Variants in CAMK2D observed in about 807,000 individuals in gnomAD.
The protein encoded by CAMK2D is calcium/calmodulin-dependent protein kinase type II subunit delta.
A neutral mutation model predicts 84.0 loss-of-function variants in CAMK2D; 37 were observed. The observed-to-expected ratio is 0.44, with a 90% confidence interval of 0.34 to 0.58. The LOEUF is 0.58. CAMK2D is among the 20% of genes least tolerant of loss of function. The pLI, the probability that CAMK2D is intolerant of heterozygous loss-of-function variation, is 0.02. For synonymous variants in CAMK2D, 202 were observed against 212.5 expected, an observed-to-expected ratio of 0.95 and a Z score of 0.43; for missense variants, 448 against 652.5, an observed-to-expected ratio of 0.69 and a Z score of 3.41.
intron 2 of CAMK2D, among the ~76,000 whole-genome samples, chr4:113,691,444 T>C (rs1242412708): frequency 6.6e-6 from 1 of 152,128 alleles, no homozygotes; most frequent in Non-Finnish European, 1.5e-5. Flanking sequence ...TCTACTGATA[T>C]ATCTAAATCT....
intron 5 of CAMK2D, among the ~76,000 whole-genome samples, chr4:113,551,067 G>A (rs372405280): frequency 3.3e-5 from 5 of 152,244 alleles, no homozygotes; most frequent in African/African-American, 1.2e-4. Context: ...GAGAATGGGA[G>A]CAGAGTCAAT....
intron 2 of CAMK2D, among the ~76,000 whole-genome samples, chr4:113,745,750 A>G (rs533078343): frequency 6.6e-6 from 1 of 152,350 alleles, no homozygotes; most frequent in East Asian, 1.9e-4. Context: ...TTAAAGATAG[A>G]ACATTTTTAT....
At chr4:113,740,833 T>C (rs898442923) in intron 2 of CAMK2D, among the ~76,000 whole-genome samples, 6 of 152,150 alleles carry the variant, frequency 3.9e-5, no homozygotes, top group African/African-American at 4.8e-5. Context: ...CTAACTATAG[T>C]AGTCTCCTCT....
intron 12 of CAMK2D, among the ~76,000 whole-genome samples, chr4:113,510,823 CT>C (rs1372534231): frequency 1.3e-5 from 2 of 151,822 alleles, no homozygotes; most frequent in African/African-American, 4.8e-5. Context: ...TTTAAATTTA[CT>C]TAAAAGATAC....
At chr4:113,745,076 C>T (rs2099601280) in intron 2 of CAMK2D, among the ~76,000 whole-genome samples, 1 of 152,124 alleles carries the variant, frequency 6.6e-6, no homozygotes, top group Non-Finnish European at 1.5e-5. Context: ...TCTCATAATC[C>T]AGGCCAATCC....
At chr4:113,737,395 C>G (rs961843572) in intron 2 of CAMK2D, among the ~76,000 whole-genome samples, 2 of 152,038 alleles carry the variant, frequency 1.3e-5, no homozygotes, top group Non-Finnish European at 2.9e-5. Flanking sequence ...CAGAAAAAGA[C>G]AAGTAGTGTA....
In CAMK2D at chr4:113,621,497, T is replaced by C. The variant is rs192176666; in HGVS notation, c.221-12291A>G. 1.0e-3 allele frequency among the ~76,000 whole-genome samples: 159 copies of C among 152,316 alleles called. 2 individuals carry two copies. Among genetic ancestry groups the C allele is most frequent in the African/African-American group, 3.4e-3 (143 of 41,578 alleles). ...TAATAGAAAATATGTTCCAAGATTC[T>C]TGGAAAATATATTTACGTCTATATT... On this transcript the variant is annotated intron_variant, in intron 3 of 20. Coordinates refer to ENST00000511664, the MANE Select transcript of CAMK2D (RefSeq NM_001321571.2).
rs774126605 is a variant in CAMK2D, at chr4:113,460,223, G to A, written c.1230C>T (p.Gly410=). 1.9e-6 allele frequency: 3 copies of A among 1,594,508 alleles called. No homozygotes were observed. Among genetic ancestry groups the A allele is most frequent in the Admixed American group, 1.7e-5 (1 of 58,370 alleles). ...AAGCTTCAGGTTCAAAAGCAGTAAG[G>A]CCTGGGTCACAGATTTTTCTGTAAA... ...FEAYTKICDP[G]LTAFEPEALG... Residue 410 remains glycine (G), a synonymous_variant, in exon 18 of 21, where the codon GGC becomes GGT. Coordinates refer to ENST00000511664, the MANE Select transcript of CAMK2D (RefSeq NM_001321571.2).
rs560256223 is a variant in CAMK2D at position 113,543,638 on chromosome 4, T to C, written c.414+4006A>G. ...CACATTTAAAATGATGCCTTCGTGG[T>C]TCCTGAAGGAATGTTTGATGAATAT... On this transcript the variant is annotated intron_variant, in intron 6 of 20. Coordinates refer to ENST00000511664, the MANE Select transcript of CAMK2D (RefSeq NM_001321571.2). 3.8e-4 allele frequency among the ~76,000 whole-genome samples: 58 copies of C among 152,246 alleles called. 1 individual carries two copies. The highest frequency in any genetic ancestry group is 6.6e-4 in the Non-Finnish European group (45 of 68,012).
intron 2 of CAMK2D, among the ~76,000 whole-genome samples, chr4:113,704,740 C>T (rs1038590734): frequency 6.6e-6 from 1 of 151,954 alleles, no homozygotes; most frequent in African/African-American, 2.4e-5. Context: ...AGTTTATTTA[C>T]TCTAGGTTAA....
chr4:113,493,637 C>T (rs1023065214), intron 16 of CAMK2D, among the ~76,000 whole-genome samples: 7 of 151,704 alleles, frequency 4.6e-5, no homozygotes, highest in Middle Eastern at 3.4e-3. Flanking sequence ...TTGCTCTTCT[C>T]GAGGAGTATC....
At chr4:113,669,711 T>C (rs1292987338) in intron 2 of CAMK2D, among the ~76,000 whole-genome samples, 2 of 152,196 alleles carry the variant, frequency 1.3e-5, no homozygotes, top group African/African-American at 4.8e-5. Flanking sequence ...TATCACTCAC[T>C]GCATGTTCCA....
intron 12 of CAMK2D, among the ~76,000 whole-genome samples, chr4:113,511,357 CAT>C (rs1329578075): frequency 6.6e-6 from 1 of 152,032 alleles, no homozygotes; most frequent in African/African-American, 2.4e-5. Context: ...ATAAAATTCA[CAT>C]ATTAGTCATG....
intron 16 of CAMK2D, among the ~76,000 whole-genome samples, chr4:113,494,738 C>G (rs2097903271): frequency 6.6e-6 from 1 of 152,168 alleles, no homozygotes; most frequent in South Asian, 2.1e-4. Context: ...CCTCCCCCAG[C>G]CTCGCTGCCG....
chr4:113,587,377 G>A (rs1456220964), intron 4 of CAMK2D, among the ~76,000 whole-genome samples: 1 of 152,104 alleles, frequency 6.6e-6, no homozygotes, highest in Admixed American at 6.6e-5. Context: ...AGTAACATGC[G>A]CCTGAGGCAA....
At chr4:113,525,576 G>C (rs1043480264) in intron 8 of CAMK2D, among the ~76,000 whole-genome samples, 1 of 152,136 alleles carries the variant, frequency 6.6e-6, no homozygotes, top group African/African-American at 2.4e-5. Context: ...ACCATACTCT[G>C]TGTGCGATCA....
chr4:113,705,100 G>A (rs1057001982), intron 2 of CAMK2D, among the ~76,000 whole-genome samples: 1 of 151,448 alleles, frequency 6.6e-6, no homozygotes, highest in Non-Finnish European at 1.5e-5. Flanking sequence ...CCAGCACTTT[G>A]GGAGGCCAGG....
rs766424875 is a variant in CAMK2D, at chr4:113,509,607, G to A, written c.984+31C>T. The A allele has an allele frequency of 5.5e-6, 8 of 1,441,996 alleles. No individual in the cohort carries two copies. In the South Asian group the frequency reaches 9.2e-5, roughly 16 times the overall value. The allele number at this position is 1,441,996 out of a possible 1,614,324, so 89.3% of individuals were successfully genotyped here. On this transcript the variant is annotated intron_variant, in intron 13 of 20. Coordinates refer to ENST00000511664, the MANE Select transcript of CAMK2D (RefSeq NM_001321571.2). ...AAGATTATCCAGCATCTGAAAGTCAGAAATGGATTAGGGGCATCTGTTTAA... is the reference window on the plus strand; with the variant it reads ...AAGATTATCCAGCATCTGAAAGTCAAAAATGGATTAGGGGCATCTGTTTAA...
intron 2 of CAMK2D, among the ~76,000 whole-genome samples, chr4:113,750,685 T>C (rs1319297834): frequency 6.6e-6 from 1 of 152,196 alleles, no homozygotes; most frequent in Non-Finnish European, 1.5e-5. Context: ...AACTATTATC[T>C]ACCAAACCCA....
Sources: allele counts gnomAD v4.1 joint callset (sites outside exome capture counted in the v4.1 genomes callset), GRCh38; gene constraint gnomAD v4.1.1; transcripts MANE v1.5; gene names NCBI Gene and HGNC (gene_info 2026-07-23, HGNC 2026-07-21).